PARD3: variants seen among roughly 807,000 people sequenced by gnomAD.
The protein encoded by PARD3 is partitioning defective 3 homolog.
PARD3 carries 75 observed loss-of-function variants against 155.4 expected under a neutral mutation model. The observed-to-expected ratio is 0.48, with a 90% CI of 0.40 to 0.58. PARD3 has a LOEUF of 0.58. PARD3 is among the 20% of genes least tolerant of loss of function. The pLI, the probability that PARD3 is intolerant of heterozygous loss-of-function variation, is 0.00. For synonymous variants in PARD3, 576 were observed against 610.5 expected, an observed-to-expected ratio of 0.94 and a Z score of 0.83; for missense variants, 1,642 against 1,721.7, an observed-to-expected ratio of 0.95 and a Z score of 0.82.
At chr10:34,550,071 C>T (rs1240090323) in intron 2 of PARD3, among the ~76,000 whole-genome samples, 1 of 152,166 alleles carries the variant, frequency 6.6e-6, no homozygotes, top group South Asian at 2.1e-4. Context: ...ATCTCACAGG[C>T]TCCATGAGGT....
chr10:34,233,700 G>A lies in PARD3; in HGVS notation c.3419+35957C>T, dbSNP rs183828061. On this transcript the variant is annotated intron_variant, in intron 22 of 24. Coordinates refer to ENST00000374788, the MANE Select transcript of PARD3 (RefSeq NM_001184785.2). ...TTATTTCCTACCCAATAAGCATCAG[G>A]TCCTATAGGCTCTAGGTTTAAAATC... is the stretch of plus-strand genomic sequence containing the variant. Among the ~76,000 whole-genome samples the A allele has an allele frequency of 1.7e-3, 264 of 152,086 alleles. 2 individuals are homozygous for A. Among genetic ancestry groups the A allele is most frequent in the Non-Finnish European group, 2.6e-3 (178 of 68,018 alleles).
At chr10:34,177,401 T>G (rs1176363229) in intron 22 of PARD3, among the ~76,000 whole-genome samples, 1 of 152,144 alleles carries the variant, frequency 6.6e-6, no homozygotes, top group African/African-American at 2.4e-5. Flanking sequence ...ATTCATGATC[T>G]GATGGAATAA....
At chr10:34,749,369 A>G (rs1835706187) in intron 1 of PARD3, among the ~76,000 whole-genome samples, 1 of 152,178 alleles carries the variant, frequency 6.6e-6, no homozygotes, top group South Asian at 2.1e-4. Flanking sequence ...TGCACACAAT[A>G]AAACTGCATA....
intron 15 of PARD3, chr10:34,343,811 G>A: frequency 2.1e-6 from 2 of 971,038 alleles, no homozygotes; most frequent in Non-Finnish European, 2.4e-6. Flanking sequence ...GTTAACTAGT[G>A]ACCTACAAAC....
intron 20 of PARD3, among the ~76,000 whole-genome samples, chr10:34,304,327 C>T (rs1305757748): frequency 1.4e-5 from 2 of 147,980 alleles, no homozygotes; most frequent in Non-Finnish European, 3.0e-5. Flanking sequence ...GAGTCCCCAT[C>T]TCTACAAAAT....
intron 2 of PARD3, among the ~76,000 whole-genome samples, chr10:34,605,924 A>G (rs1185380231): frequency 1.0e-5 from 1 of 97,114 alleles, no homozygotes; most frequent in Non-Finnish European, 2.0e-5. Flanking sequence ...TCCTATATAT[A>G]TATCTCCTAT....
At chr10:34,547,229 A>T (rs560049580) in intron 2 of PARD3, among the ~76,000 whole-genome samples, 1 of 152,366 alleles carries the variant, frequency 6.6e-6, no homozygotes, top group South Asian at 2.1e-4. Context: ...AATTTACAAG[A>T]GGAAATACTT....
chr10:34,611,928 G>GC (rs1378579605), intron 2 of PARD3, among the ~76,000 whole-genome samples: 4 of 84,362 alleles, frequency 4.7e-5, no homozygotes, highest in Non-Finnish European at 7.0e-5. Flanking sequence ...CCCTGCCTCA[G>GC]CGCCCCCCCT....
rs1489977916 is a variant in PARD3 at position 34,562,207 on chromosome 10, C to T, written c.223-45048G>A. On this transcript the variant is annotated intron_variant, in intron 2 of 24. Coordinates refer to ENST00000374788, the MANE Select transcript of PARD3 (RefSeq NM_001184785.2). ...ATCCCGGCACTTTGGGAGGCTGAGG[C>T]GGGCGGATTACCTGAAGTCAGGAGT... 4.4e-5 allele frequency among the ~76,000 whole-genome samples: 6 copies of T among 136,444 alleles called. No individual in the cohort carries two copies. The East Asian group carries it at 1.1e-3, about 26-fold the overall frequency. 89.5% of individuals were successfully genotyped at this position (136,444 alleles called of 152,430 possible).
At chr10:34,284,892 AAAAC>A (rs1196870742) in intron 20 of PARD3, among the ~76,000 whole-genome samples, 1 of 152,226 alleles carries the variant, frequency 6.6e-6, no homozygotes, top group African/African-American at 2.4e-5. Context: ...CATCTGATCA[AAAAC>A]AAACACACGG....
At chr10:34,227,856 T>TTATATATATATATATATA (rs55681930) in intron 22 of PARD3, among the ~76,000 whole-genome samples, 1,525 of 81,794 alleles carry the variant, frequency 0.019, 51 homozygotes, top group Non-Finnish European at 0.027. Context: ...GAATTATTTT[T>TTATATATATATATATATA]TATATATATA....
chr10:34,563,777 C>T (rs754002286), intron 2 of PARD3, among the ~76,000 whole-genome samples: 13 of 152,112 alleles, frequency 8.5e-5, no homozygotes. Flanking sequence ...GATCCGCCCG[C>T]CTTGGCCTCC....
At chr10:34,554,986 G>A (rs767532031) in intron 2 of PARD3, among the ~76,000 whole-genome samples, 12 of 152,322 alleles carry the variant, frequency 7.9e-5, no homozygotes, top group Non-Finnish European at 1.5e-4. Flanking sequence ...AGGGATGAAT[G>A]CACAGAACAC....
intron 13 of PARD3, 125 bp from the exon 14 acceptor site, chr10:34,359,442 C>CATTAGGAT: frequency 1.2e-5 from 8 of 681,216 alleles, no homozygotes; most frequent in Non-Finnish European, 1.5e-5. Context: ...AGCTTTAATC[C>CATTAGGAT]TAATGGATTA....
At chr10:34,739,306 C>T (rs1461644990) in intron 1 of PARD3, among the ~76,000 whole-genome samples, 1 of 152,164 alleles carries the variant, frequency 6.6e-6, no homozygotes, top group Non-Finnish European at 1.5e-5. Flanking sequence ...GAGGGGTACA[C>T]TCTCTCTACT....
intron 22 of PARD3, among the ~76,000 whole-genome samples, chr10:34,233,288 G>A (rs949433466): frequency 4.0e-5 from 6 of 151,886 alleles, no homozygotes; most frequent in South Asian, 2.1e-4. Context: ...CTATAGGACT[G>A]CATTCTCTTG....
At chr10:34,228,101 C>T (rs1364911230) in intron 22 of PARD3, among the ~76,000 whole-genome samples, 2 of 151,568 alleles carry the variant, frequency 1.3e-5, no homozygotes, top group African/African-American at 4.9e-5. Flanking sequence ...GAATGAGATC[C>T]TGTCCTTTAC....
At chr10:34,375,678 C>T (rs780031037) in intron 10 of PARD3, among the ~76,000 whole-genome samples, 1 of 152,154 alleles carries the variant, frequency 6.6e-6, no homozygotes, top group African/African-American at 2.4e-5. Context: ...TCAGAAAGCA[C>T]TATATACTCC....
chr10:34,759,982 A>G (rs1358638720), intron 1 of PARD3, among the ~76,000 whole-genome samples: 1 of 152,226 alleles, frequency 6.6e-6, no homozygotes, highest in Non-Finnish European at 1.5e-5. Flanking sequence ...GTATTTGCAC[A>G]TGACTTTACC....
Sources: allele counts gnomAD v4.1 joint callset (sites outside exome capture counted in the v4.1 genomes callset), GRCh38; gene constraint gnomAD v4.1.1; transcripts MANE v1.5; gene names NCBI Gene and HGNC (gene_info 2026-07-23, HGNC 2026-07-21).